Variants in FRAS1 observed in about 807,000 individuals in gnomAD.
FRAS1 encodes extracellular matrix organizing protein FRAS1.
A neutral mutation model predicts 435.2 loss-of-function variants in FRAS1; 290 were observed. That is an observed-to-expected ratio of 0.67 (90% confidence interval 0.61 to 0.73). The LOEUF (loss-of-function observed/expected upper bound fraction) is 0.73. FRAS1 is among the 30% of genes least tolerant of loss of function. FRAS1 has a pLI of 0.00. For synonymous variants in FRAS1, 1,800 were observed against 1,851.0 expected (o/e 0.97, Z 0.71); for missense variants, 4,860 against 5,001.5 (o/e 0.97, Z 0.85).
chr4:78,383,698 A>T (rs1036693134), intron 27 of FRAS1, among the ~76,000 whole-genome samples: 1 of 152,258 alleles, frequency 6.6e-6, no homozygotes, highest in Non-Finnish European at 1.5e-5. Context: ...GTCAGAGACT[A>T]TAAAAGATTC....
chr4:78,091,999 A>AG (rs1741552480), intron 2 of FRAS1, among the ~76,000 whole-genome samples: 1 of 148,432 alleles, frequency 6.7e-6, no homozygotes, highest in Admixed American at 6.7e-5. Context: ...AAAAAAAAAA[A>AG]GGAAAAAAAC....
At chr4:78,376,905 C>T (rs954712987) in intron 26 of FRAS1, among the ~76,000 whole-genome samples, 10 of 152,034 alleles carry the variant, frequency 6.6e-5, no homozygotes, top group Admixed American at 4.6e-4. Flanking sequence ...GCAGGAGAAT[C>T]GCTTCTTGAA....
At chr4:78,336,008 A>G (rs1730158400) in intron 19 of FRAS1, among the ~76,000 whole-genome samples, 1 of 151,766 alleles carries the variant, frequency 6.6e-6, no homozygotes, top group African/African-American at 2.4e-5. Flanking sequence ...GGAAAAAGCC[A>G]ACTGATATGA....
intron 60 of FRAS1, 126 bp downstream of exon 60, chr4:78,497,087 A>AT (rs1185335746): frequency 9.3e-6 from 7 of 749,476 alleles, no homozygotes; most frequent in Non-Finnish European, 1.5e-5. Flanking sequence ...TTCTCTGAAT[A>AT]TTTATATAAA....
intron 2 of FRAS1, among the ~76,000 whole-genome samples, chr4:78,223,942 ATAT>A (rs765524618): frequency 1.3e-5 from 2 of 152,072 alleles, no homozygotes; most frequent in African/African-American, 2.4e-5. Flanking sequence ...TTTTGTTACT[ATAT>A]TATTATTATT....
intron 47 of FRAS1, among the ~76,000 whole-genome samples, chr4:78,456,142 T>TTTTTTTC (rs568789169): frequency 0.32 from 13,507 of 42,142 alleles, 2,973 homozygotes; most frequent in African/African-American, 0.53. Context: ...ATGTCACTTT[T>TTTTTTTC]TTTTTTTTTT....
intron 44 of FRAS1, among the ~76,000 whole-genome samples, chr4:78,449,466 C>T (rs1416357029): frequency 6.6e-6 from 1 of 152,186 alleles, no homozygotes; most frequent in African/African-American, 2.4e-5. Context: ...TCACTCCAAA[C>T]ACCAGGATGT....
At chr4:78,495,046 A>G (rs1720473314) in intron 59 of FRAS1, among the ~76,000 whole-genome samples, 1 of 152,154 alleles carries the variant, frequency 6.6e-6, no homozygotes, top group South Asian at 2.1e-4. Context: ...GTATAAAGTT[A>G]TATCTCATTT....
chr4:78,065,261 A>T (rs916116167), intron 1 of FRAS1, among the ~76,000 whole-genome samples: 1 of 148,420 alleles, frequency 6.7e-6, no homozygotes, highest in Non-Finnish European at 1.5e-5. Flanking sequence ...ATATATATGT[A>T]TATACTATAT....
rs558251742 is a variant in FRAS1 at position 78,174,843 on chromosome 4, T to G, written c.109-62667T>G. ...TTGGGAATACCTGTGTAGGAATAGT[T>G]GTTGGGATGAATGTTTTCATTTGGA... On this transcript the variant is annotated intron_variant, in intron 2 of 73. Coordinates refer to ENST00000512123, the MANE Select transcript of FRAS1 (RefSeq NM_025074.7). Among the ~76,000 whole-genome samples, 9 of 152,352 alleles carry G rather than the reference T, an allele frequency of 5.9e-5. No individual in the cohort carries two copies. In the East Asian group the frequency reaches 1.7e-3, roughly 29 times the overall value.
intron 2 of FRAS1, among the ~76,000 whole-genome samples, chr4:78,204,685 C>A (rs1020206039): frequency 6.6e-6 from 1 of 152,102 alleles, no homozygotes; most frequent in African/African-American, 2.4e-5. Flanking sequence ...ACAAAGTGCA[C>A]CATATGGAGA....
At position 78,526,627 on chromosome 4, in the gene FRAS1, C is replaced by T. The variant is rs1375097015; in HGVS notation, c.10895C>T (p.Pro3632Leu). Residue 3632 changes from proline (P) to leucine (L), a missense_variant, in exon 70 of 74, where the codon CCT (proline) becomes CTT (leucine). Physicochemically the swap from Pro to Leu is moderately conservative, Grantham distance 98 (BLOSUM62 -3). Coordinates refer to ENST00000512123, the MANE Select transcript of FRAS1 (RefSeq NM_025074.7). Reference protein sequence around the residue: ...TQPWVDPGEKPLACTAHAPER... With the variant: ...TQPWVDPGEKLLACTAHAPER... ...CCATGGGTTGACCCAGGAGAGAAGC[C>T]TTTGGCCTGCACTGCACATGCCCCA... The T allele has an allele frequency of 1.9e-6, 3 of 1,592,456 alleles. No individual in the cohort carries two copies.
intron 2 of FRAS1, among the ~76,000 whole-genome samples, chr4:78,234,707 A>G (rs561460712): frequency 6.6e-6 from 1 of 152,240 alleles, no homozygotes. Context: ...CTGGGAATGT[A>G]ATCTCACCTC....
chr4:78,509,276 T>G (rs1294101746), intron 63 of FRAS1, among the ~76,000 whole-genome samples: 1 of 152,236 alleles, frequency 6.6e-6, no homozygotes, highest in Non-Finnish European at 1.5e-5. Flanking sequence ...TCTCTGAGTC[T>G]CAGTCTCCTG....
intron 2 of FRAS1, among the ~76,000 whole-genome samples, chr4:78,083,652 A>C (rs1425965747): frequency 7.2e-6 from 1 of 138,804 alleles, no homozygotes; most frequent in African/African-American, 3.0e-5. Flanking sequence ...TTTTGCAAGA[A>C]TCTAACATAG....
chr4:78,430,149 C>A, intron 36 of FRAS1, 143 bp from the exon 37 acceptor site: 1 of 927,312 alleles, frequency 1.1e-6, no homozygotes. Context: ...TCTTTTGTGC[C>A]TGATTGGAAT....
At chr4:78,116,599 T>C (rs1743200763) in intron 2 of FRAS1, among the ~76,000 whole-genome samples, 1 of 152,224 alleles carries the variant, frequency 6.6e-6, no homozygotes, top group Non-Finnish European at 1.5e-5. Flanking sequence ...CTTCTTTGTC[T>C]CTTTTGATCT....
intron 20 of FRAS1, among the ~76,000 whole-genome samples, chr4:78,340,818 G>A (rs550863639): frequency 7.2e-5 from 11 of 152,142 alleles, no homozygotes; most frequent in Non-Finnish European, 1.3e-4. Flanking sequence ...ATGTGCCCCT[G>A]TTTCCCTCCG....
rs771730477 is a variant in FRAS1, at chr4:78,540,761, G to A, written c.11676G>A (p.Glu3892=). The change falls in exon 74 of 74, where the codon GAG becomes GAA. Residue 3892 remains glutamate, a synonymous_variant. Coordinates refer to ENST00000512123, the MANE Select transcript of FRAS1 (RefSeq NM_025074.7). Reference sequence around the variant, plus strand: ...AGTCCCTGAATCTGGAGATGCAAGAGTTGGCGGTAGCTGCGTCCCTGTCAC... The same window carrying A: ...AGTCCCTGAATCTGGAGATGCAAGAATTGGCGGTAGCTGCGTCCCTGTCAC... The part of the protein sequence containing the change: ...NMKSLNLEMQ[E]LAVAASLSQT... 2 of 1,613,920 alleles carry A rather than the reference G, an allele frequency of 1.2e-6. No homozygotes were observed. The highest frequency in any genetic ancestry group is 2.2e-5 in the South Asian group (2 of 91,064).
Sources: gnomAD v4.1 joint callset for allele counts (sites outside exome capture counted in the v4.1 genomes callset) on GRCh38, gnomAD v4.1.1 for gene constraint, MANE v1.5 for transcripts, NCBI Gene and HGNC (gene_info 2026-07-23, HGNC 2026-07-21) for gene names.